Variants in SLA observed in about 807,000 individuals in gnomAD.
The protein encoded by SLA is Src like adaptor, also known as src-like-adapter.
SLA carries 16 observed loss-of-function variants against 30.3 expected under a neutral mutation model. That is an observed-to-expected ratio of 0.53 (90% confidence interval 0.36 to 0.80). The LOEUF (loss-of-function observed/expected upper bound fraction) is 0.80. Among genes scored for constraint, SLA ranks in the 30% least tolerant of loss-of-function variants. The pLI, the probability that SLA is intolerant of heterozygous loss-of-function variation, is 0.01. For synonymous variants in SLA, 143 were observed against 137.8 expected (o/e 1.04, Z -0.26); for missense variants, 310 against 345.2 (o/e 0.90, Z 0.81).
rs150978891 is a variant in SLA at position 133,057,884 on chromosome 8, A to G, written c.61+2216T>C. Among the ~76,000 whole-genome samples, 305 of 152,204 alleles carry G rather than the reference A, an allele frequency of 2.0e-3. 1 individual carries two copies. The highest frequency in any genetic ancestry group is 7.1e-3 in the African/African-American group (294 of 41,512). ...AAAAGCTCAGAAAACATGGTTGTCT[A>G]AAAGTGTCCAGGCTGGCCTCTGGGT... On this transcript the variant is annotated intron_variant, in intron 3 of 8. Coordinates refer to ENST00000338087, the MANE Select transcript of SLA (RefSeq NM_001045556.3).
At chr8:133,101,742 C>T (rs1184575693) in intron 1 of SLA, among the ~76,000 whole-genome samples, 8 of 152,242 alleles carry the variant, frequency 5.3e-5, no homozygotes, top group Admixed American at 1.3e-4. Flanking sequence ...AGGCAAACAA[C>T]TGAAACACCA....
rs1837293128 is a variant in SLA at position 133,037,416 on chromosome 8, T to A, written c.*1108A>T. The A allele has an allele frequency of 1.3e-5, 2 of 152,218 alleles. No individual in the cohort carries two copies. The highest frequency in any genetic ancestry group is 4.1e-4 in the South Asian group (2 of 4,836). The allele number at this position is 152,218 out of a possible 1,614,324, so 9.4% of individuals were successfully genotyped here. A position where few individuals can be genotyped will look rare whatever the true frequency, so the allele number is the denominator to read the frequency against. ...TACCGGGTGAGTTAATTCTTTAGACTGTATCCATTTCTTTTCTAAAAAATC... is the reference window on the plus strand; with the variant it reads ...TACCGGGTGAGTTAATTCTTTAGACAGTATCCATTTCTTTTCTAAAAAATC... On this transcript the variant is annotated 3_prime_UTR_variant, in exon 9 of 9. Transcript: ENST00000338087.
At chr8:133,070,443 T>C (rs1843829112) in intron 2 of SLA, among the ~76,000 whole-genome samples, 1 of 152,194 alleles carries the variant, frequency 6.6e-6, no homozygotes, top group African/African-American at 2.4e-5. Context: ...AGGAGATGTT[T>C]AAAATACACG....
intron 3 of SLA, among the ~76,000 whole-genome samples, chr8:133,055,480 C>T (rs1191392479): frequency 6.6e-6 from 1 of 151,904 alleles, no homozygotes; most frequent in Non-Finnish European, 1.5e-5. Context: ...CCGAGTTCTG[C>T]GGGTCACCAT....
At chr8:133,089,353 C>A (rs908302436) in intron 1 of SLA, among the ~76,000 whole-genome samples, 4 of 152,200 alleles carry the variant, frequency 2.6e-5, no homozygotes, top group Non-Finnish European at 5.9e-5. Context: ...TATTGATGCT[C>A]CATCCTTTAC....
chr8:133,062,481 C>T lies in SLA; in HGVS notation c.-40-2281G>A, dbSNP rs142142124. ...CACTTCCTGGGCATCTCCCCGGTGC[C>T]GGGCCCTGGGCTAGAGCCTTGAGGA... On this transcript the variant is annotated intron_variant, in intron 2 of 8. Coordinates refer to ENST00000338087, the MANE Select transcript of SLA (RefSeq NM_001045556.3). Among the ~76,000 whole-genome samples, 224 of 152,378 alleles carry T rather than the reference C, an allele frequency of 1.5e-3. 1 individual carries two copies. Among genetic ancestry groups the T allele is most frequent in the African/African-American group, 5.1e-3 (212 of 41,600 alleles).
intron 1 of SLA, among the ~76,000 whole-genome samples, chr8:133,078,987 G>C (rs1845328539): frequency 6.6e-6 from 1 of 152,180 alleles, no homozygotes; most frequent in Non-Finnish European, 1.5e-5. Flanking sequence ...AACCTCTAGG[G>C]CTCCTGGTTT....
intron 1 of SLA, among the ~76,000 whole-genome samples, chr8:133,091,999 G>A (rs1382355264): frequency 6.6e-6 from 1 of 152,156 alleles, no homozygotes; most frequent in Non-Finnish European, 1.5e-5. Flanking sequence ...GTGTCTGTGT[G>A]TGTCCTTAAC....
rs1407445710 is a variant in SLA, at chr8:133,037,414, A to C, written c.*1110T>G. The C allele has an allele frequency of 6.6e-6, 1 of 152,158 alleles. No individual in the cohort carries two copies. Among genetic ancestry groups the C allele is most frequent in the Non-Finnish European group, 1.5e-5 (1 of 68,020 alleles). The allele number at this position is 152,158 out of a possible 1,614,324, so 9.4% of individuals were successfully genotyped here. On this transcript the variant is annotated 3_prime_UTR_variant, in exon 9 of 9. Coordinates refer to ENST00000338087, the MANE Select transcript of SLA (RefSeq NM_001045556.3). The stretch of plus-strand genomic sequence containing the variant: ...AGTACCGGGTGAGTTAATTCTTTAG[A>C]CTGTATCCATTTCTTTTCTAAAAAA...
At chr8:133,093,649 G>A (rs1332209008) in intron 1 of SLA, among the ~76,000 whole-genome samples, 1 of 152,174 alleles carries the variant, frequency 6.6e-6, no homozygotes, top group East Asian at 1.9e-4. Context: ...GCCACTGGCT[G>A]AGATTCTGAC....
At chr8:133,078,824 G>A (rs894616689) in intron 1 of SLA, among the ~76,000 whole-genome samples, 3 of 152,194 alleles carry the variant, frequency 2.0e-5, no homozygotes, top group Non-Finnish European at 2.9e-5. Flanking sequence ...GGACAGACGG[G>A]GAGAGAATTC....
At chr8:133,073,108 C>T (rs2244716) in intron 2 of SLA, 92,797 of 151,918 alleles carry the variant, frequency 0.61, 28,819 homozygotes, top group East Asian at 0.79. Flanking sequence ...CTTCTTTTTA[C>T]AAGGAAAATA....
At chr8:133,056,001 C>T (rs1485085011) in intron 3 of SLA, among the ~76,000 whole-genome samples, 1 of 152,080 alleles carries the variant, frequency 6.6e-6, no homozygotes, top group African/African-American at 2.4e-5. Context: ...GAAATAGAGG[C>T]ACAGTGAGGT....
intron 1 of SLA, among the ~76,000 whole-genome samples, chr8:133,088,129 T>C (rs141498772): frequency 1.3e-5 from 2 of 152,314 alleles, no homozygotes; most frequent in East Asian, 3.9e-4. Context: ...CGGTTGTACA[T>C]GTGAATCAAA....
At chr8:133,080,411 C>T (rs1845571523) in intron 1 of SLA, among the ~76,000 whole-genome samples, 1 of 152,156 alleles carries the variant, frequency 6.6e-6, no homozygotes, top group East Asian at 1.9e-4. Flanking sequence ...GGCCTAGGCT[C>T]ATGGGCTCTG....
chr8:133,039,094 G>C (rs1179798148), intron 8 of SLA, among the ~76,000 whole-genome samples: 1 of 152,100 alleles, frequency 6.6e-6, no homozygotes, highest in Non-Finnish European at 1.5e-5. Flanking sequence ...GGCCAGGCTG[G>C]TCTCAAACTC....
Position 133,049,947 on chromosome 8 carries a change from C to A in SLA, c.203G>T (p.Arg68Leu). 6.2e-7 allele frequency: 1 copy of A among 1,613,712 alleles called. No homozygotes were observed. The highest frequency in any genetic ancestry group is 8.5e-7 in the Non-Finnish European group (1 of 1,179,596). Residue 68 changes from arginine to leucine, a missense_variant, in exon 5 of 9, where the codon CGA becomes CTA. Coordinates refer to ENST00000338087, the MANE Select transcript of SLA (RefSeq NM_001045556.3). ...WWKAISLSTG[R>L]ESYIPGICVA... ...ACATATTCCAGGGATGTAACTCTCTCGACCAGTGCTAAGAGAAATAGCTTT... is the reference window on the plus strand; with the variant it reads ...ACATATTCCAGGGATGTAACTCTCTAGACCAGTGCTAAGAGAAATAGCTTT...
At chr8:133,039,856 C>A in intron 8 of SLA, 142 bp downstream of exon 8, 6 of 1,412,282 alleles carry the variant, frequency 4.2e-6, no homozygotes, top group Non-Finnish European at 5.7e-6. Context: ...GGGTGCTCAC[C>A]CCCCAGTTTC....
At position 133,090,880 on chromosome 8, in the gene SLA, C is replaced by T. The variant is rs567684904; in HGVS notation, c.-319+11673G>A. Among the ~76,000 whole-genome samples the T allele has an allele frequency of 3.9e-5, 6 of 152,230 alleles. No individual in the cohort carries two copies. In the East Asian group the frequency reaches 7.8e-4, roughly 20 times the overall value. On this transcript the variant is annotated intron_variant, in intron 1 of 8. Transcript: ENST00000338087. ...TGCTTTGGCCTCACCCCGCACCCCC[C>T]GGGAACAGAAAGGAACTGTCTGCCA... is the stretch of plus-strand genomic sequence containing the variant.
Sources: allele counts gnomAD v4.1 joint callset (sites outside exome capture counted in the v4.1 genomes callset), GRCh38; gene constraint gnomAD v4.1.1; transcripts MANE v1.5; gene names NCBI Gene and HGNC (gene_info 2026-07-23, HGNC 2026-07-21).